Variants in PPDPFL observed in about 807,000 individuals in gnomAD.
PPDPFL encodes the protein pancreatic progenitor cell differentiation and proliferation factor like, also known as pancreatic progenitor cell differentiation and proliferation factor-like protein.
A neutral mutation model predicts 12.6 loss-of-function variants in PPDPFL; 12 were observed. The observed-to-expected ratio is 0.95, with a 90% CI of 0.61 to 1.54. The LOEUF (loss-of-function observed/expected upper bound fraction) is 1.54, where lower values mean the gene tolerates loss of function less well. Among genes scored for constraint, PPDPFL ranks in the 40% most tolerant of loss-of-function variants. PPDPFL has a pLI of 0.00. For synonymous variants in PPDPFL, 24 were observed against 32.7 expected (o/e 0.73, Z 0.91); for missense variants, 114 against 96.0 (o/e 1.19, Z -0.78).
chr8:49,063,777 C>T (rs1471552046), intron 1 of PPDPFL, among the ~76,000 whole-genome samples: 3 of 152,002 alleles, frequency 2.0e-5, no homozygotes, highest in East Asian at 3.9e-4. Context: ...ACTACCAGGC[C>T]CCTACAAAAA....
intron 1 of PPDPFL, among the ~76,000 whole-genome samples, chr8:49,066,435 T>G (rs1484654503): frequency 6.6e-6 from 1 of 152,138 alleles, no homozygotes; most frequent in Non-Finnish European, 1.5e-5. Context: ...TAAATGTACT[T>G]GGTTCTTGTC....
At chr8:49,057,518 T>G (rs528948882) in intron 1 of PPDPFL, among the ~76,000 whole-genome samples, 10 of 152,278 alleles carry the variant, frequency 6.6e-5, no homozygotes, top group African/African-American at 1.9e-4. Context: ...ATTGATAGCA[T>G]AAAGCACTGC....
chr8:49,075,531 G>T lies in PPDPFL; in HGVS notation c.*358G>T. 4.0e-6 allele frequency: 2 copies of T among 500,800 alleles called. No individual in the cohort carries two copies. The highest frequency in any genetic ancestry group is 2.8e-5 in the South Asian group (1 of 35,746). The allele number at this position is 500,800 out of a possible 1,614,324, so 31.0% of individuals were successfully genotyped here. A position where few individuals can be genotyped will look rare whatever the true frequency, so the allele number is the denominator to read the frequency against. ...CTTTTAAAGTAATATGTCTTCAAATGTTGTGACTTACATAAAGTAGCTCTT... is the reference window on the plus strand; with the variant it reads ...CTTTTAAAGTAATATGTCTTCAAATTTTGTGACTTACATAAAGTAGCTCTT... On this transcript the variant is annotated 3_prime_UTR_variant, in exon 5 of 5. Coordinates refer to ENST00000522267, the MANE Select transcript of PPDPFL (RefSeq NM_001256597.2).
At chr8:49,065,267 G>A (rs1322279213) in intron 1 of PPDPFL, among the ~76,000 whole-genome samples, 2 of 152,168 alleles carry the variant, frequency 1.3e-5, no homozygotes, top group African/African-American at 4.8e-5. Context: ...TAACATTGAG[G>A]CTGAGGTGGA....
At chr8:49,056,885 GC>G (rs1180604909) in intron 1 of PPDPFL, among the ~76,000 whole-genome samples, 5 of 152,122 alleles carry the variant, frequency 3.3e-5, no homozygotes, top group African/African-American at 1.2e-4. Context: ...ACATACAGTA[GC>G]CACTCATATA....
chr8:49,074,021 C>A, intron 2 of PPDPFL, 38 bp from the exon 3 acceptor site: 2 of 1,386,396 alleles, frequency 1.4e-6, no homozygotes, highest in Non-Finnish European at 2.0e-6. Flanking sequence ...GTCTGGTTGC[C>A]AGTTATTTAT....
chr8:49,064,559 C>T (rs1283352114), intron 1 of PPDPFL, among the ~76,000 whole-genome samples: 2 of 151,878 alleles, frequency 1.3e-5, no homozygotes, highest in African/African-American at 4.8e-5. Context: ...CCCAGGTTCC[C>T]CCCCAGGACA....
intron 2 of PPDPFL, among the ~76,000 whole-genome samples, chr8:49,073,646 T>C (rs1395234454): frequency 2.0e-5 from 3 of 152,220 alleles, no homozygotes; most frequent in African/African-American, 7.2e-5. Context: ...AAAATGTTTG[T>C]TCTTTCCAAA....
intron 1 of PPDPFL, among the ~76,000 whole-genome samples, chr8:49,060,932 G>T (rs1282391191): frequency 6.6e-6 from 1 of 152,102 alleles, no homozygotes. Flanking sequence ...ATTTGAACAG[G>T]TGATGCTCAA....
upstream of PPDPFL, among the ~76,000 whole-genome samples, chr8:49,071,663 GA>G (rs906094623): frequency 1.0e-4 from 14 of 138,698 alleles, no homozygotes; most frequent in African/African-American, 1.3e-4. Context: ...CTCAGGAAAA[GA>G]AAAAAAAAAG....
intron 1 of PPDPFL, among the ~76,000 whole-genome samples, chr8:49,057,875 G>A (rs141168985): frequency 1.5e-4 from 23 of 152,284 alleles, no homozygotes; most frequent in African/African-American, 3.6e-4. Flanking sequence ...AAGGAGAACA[G>A]TAATTGGGTT....
At chr8:49,062,762 A>T (rs1511365) in intron 1 of PPDPFL, among the ~76,000 whole-genome samples, 45,190 of 152,056 alleles carry the variant, frequency 0.3, 7,514 homozygotes, top group Non-Finnish European at 0.37. Flanking sequence ...TCCCAGGGCC[A>T]AGACGGACCA....
upstream of PPDPFL, among the ~76,000 whole-genome samples, chr8:49,071,468 T>C (rs1327753392): frequency 6.6e-6 from 1 of 152,068 alleles, no homozygotes; most frequent in Non-Finnish European, 1.5e-5. Flanking sequence ...CCATCCTGGC[T>C]AACACGGTGA....
At chr8:49,062,253 G>A (rs1808221712) in intron 1 of PPDPFL, among the ~76,000 whole-genome samples, 1 of 152,148 alleles carries the variant, frequency 6.6e-6, no homozygotes, top group Non-Finnish European at 1.5e-5. Context: ...TGATAAGGGT[G>A]ATTTTTCCAC....
intron 4 of PPDPFL, 175 bp from the exon 5 acceptor site, chr8:49,074,977 G>T (rs895337483): frequency 7.3e-7 from 1 of 1,371,490 alleles, no homozygotes; most frequent in East Asian, 2.5e-5. Flanking sequence ...GACAAATTTA[G>T]AATCATTATT....
chr8:49,055,899 C>G (rs1808104995), intron 1 of PPDPFL, among the ~76,000 whole-genome samples: 1 of 152,032 alleles, frequency 6.6e-6, no homozygotes, highest in Non-Finnish European at 1.5e-5. Context: ...GTTGTATAGC[C>G]AACTTACAAA....
chr8:49,069,760 C>A (rs1245642982), upstream of PPDPFL, among the ~76,000 whole-genome samples: 2 of 152,158 alleles, frequency 1.3e-5, no homozygotes, highest in African/African-American at 4.8e-5. Context: ...CACGGTGAAA[C>A]CCCATCTCTG....
intron 1 of PPDPFL, among the ~76,000 whole-genome samples, chr8:49,060,015 G>T (rs934163478): frequency 2.0e-5 from 3 of 152,136 alleles, no homozygotes; most frequent in African/African-American, 7.2e-5. Context: ...GTTTAGCAGG[G>T]TTTATTTCCA....
intron 4 of PPDPFL, chr8:49,074,949 G>A (rs1808465857): frequency 7.3e-7 from 1 of 1,377,986 alleles, no homozygotes; most frequent in Non-Finnish European, 9.5e-7. Flanking sequence ...TAGTGATTCT[G>A]ATGAATTTCC....
Sources: allele counts gnomAD v4.1 joint callset (sites outside exome capture counted in the v4.1 genomes callset), GRCh38; gene constraint gnomAD v4.1.1; transcripts MANE v1.5; gene names NCBI Gene and HGNC (gene_info 2026-07-23, HGNC 2026-07-21).